The following TCF4 variants were observed in gnomAD, a reference collection of about 807,000 sequenced individuals.
TCF4 encodes the protein SL3-3 enhancer factor 2.
A neutral mutation model predicts 82.1 loss-of-function variants in TCF4; 3 were observed. That is an observed-to-expected ratio of 0.04 (90% CI 0.02 to 0.09). The LOEUF (loss-of-function observed/expected upper bound fraction) is 0.09, where lower values mean the gene tolerates loss of function less well. Among genes scored for constraint, TCF4 ranks in the 10% least tolerant of loss-of-function variants. The pLI is 1.00. For missense variants in TCF4, 518 were observed against 852.7 expected, an observed-to-expected ratio of 0.61 and a Z score of 4.89; for synonymous variants, 276 against 309.6, an observed-to-expected ratio of 0.89 and a Z score of 1.14.
intron 8 of TCF4, among the ~76,000 whole-genome samples, chr18:55,315,227 C>T (rs893946): frequency 0.4 from 60,845 of 151,780 alleles, 12,554 homozygotes; most frequent in East Asian, 0.57. Context: ...TTTAGCCCCC[C>T]TTTTTTAGGT....
chr18:55,395,939 C>G (rs1010512405), intron 6 of TCF4, among the ~76,000 whole-genome samples: 2 of 151,960 alleles, frequency 1.3e-5, no homozygotes. Context: ...TTTTTCCCCC[C>G]CTTAAGGCTG....
chr18:55,571,465 C>A (rs1030756453), intron 3 of TCF4, among the ~76,000 whole-genome samples: 1 of 152,132 alleles, frequency 6.6e-6, no homozygotes, highest in Non-Finnish European at 1.5e-5. Context: ...CACAGGCCGG[C>A]CAATGGATCT....
At chr18:55,585,238 C>A (rs1040117819) in intron 3 of TCF4, 42 bp downstream of exon 3, 15 of 1,563,192 alleles carry the variant, frequency 9.6e-6, no homozygotes, top group South Asian at 5.6e-5. Flanking sequence ...AAATAAACAG[C>A]CCAGAACATT....
At chr18:55,545,691 C>T (rs975494751) in intron 3 of TCF4, among the ~76,000 whole-genome samples, 5 of 152,202 alleles carry the variant, frequency 3.3e-5, no homozygotes, top group African/African-American at 1.2e-4. Context: ...CTCAGGTAAT[C>T]TGCCTGCCTC....
intron 1 of TCF4, among the ~76,000 whole-genome samples, chr18:55,632,082 A>G (rs1603625761): frequency 6.6e-6 from 1 of 152,280 alleles, no homozygotes; most frequent in East Asian, 1.9e-4. Context: ...TCTGTGGCCC[A>G]GGCTGGAGTG....
chr18:55,583,080 A>G (rs1047601318), intron 3 of TCF4, among the ~76,000 whole-genome samples: 2 of 152,140 alleles, frequency 1.3e-5, no homozygotes, highest in South Asian at 2.1e-4. Context: ...TCCAATCTGT[A>G]CCCTACATAT....
At chr18:55,370,370 C>A (rs752210438) in intron 6 of TCF4, among the ~76,000 whole-genome samples, 1 of 151,900 alleles carries the variant, frequency 6.6e-6, no homozygotes, top group Non-Finnish European at 1.5e-5. Context: ...TGCACCACTG[C>A]TCCAGCCTGG....
At chr18:55,264,178 C>A (rs2058628594) in intron 11 of TCF4, among the ~76,000 whole-genome samples, 1 of 152,104 alleles carries the variant, frequency 6.6e-6, no homozygotes, top group Non-Finnish European at 1.5e-5. Context: ...CTATCAGTGC[C>A]TGTTTTATGC....
chr18:55,279,499 C>T, intron 9 of TCF4, 52 bp downstream of exon 9: 3 of 1,612,306 alleles, frequency 1.9e-6, no homozygotes, highest in South Asian at 2.2e-5. Context: ...CATTAAGTGA[C>T]CCAGGAAAAT....
intron 6 of TCF4, among the ~76,000 whole-genome samples, chr18:55,356,298 A>T (rs752238837): frequency 8.5e-5 from 13 of 152,210 alleles, no homozygotes; most frequent in Non-Finnish European, 1.6e-4. Context: ...AAAAGTTAAA[A>T]ATGAGTTATA....
At chr18:55,403,239 C>G (rs2093923853) in intron 6 of TCF4, among the ~76,000 whole-genome samples, 1 of 152,110 alleles carries the variant, frequency 6.6e-6, no homozygotes, top group Non-Finnish European at 1.5e-5. Flanking sequence ...TAAAAACAAG[C>G]CCATGAATGT....
At chr18:55,325,771 G>A (rs534519979) in intron 8 of TCF4, among the ~76,000 whole-genome samples, 1 of 152,002 alleles carries the variant, frequency 6.6e-6, no homozygotes, top group South Asian at 2.1e-4. Flanking sequence ...GACCTCTTTT[G>A]CCTAGCATGG....
intron 8 of TCF4, among the ~76,000 whole-genome samples, chr18:55,327,315 A>G (rs1480875028): frequency 6.6e-6 from 1 of 152,110 alleles, no homozygotes; most frequent in Non-Finnish European, 1.5e-5. Context: ...AAGTCAGATA[A>G]AGCACAAATC....
At chr18:55,441,907 T>C (rs918338903) in intron 5 of TCF4, among the ~76,000 whole-genome samples, 6 of 152,154 alleles carry the variant, frequency 3.9e-5, no homozygotes, top group Non-Finnish European at 8.8e-5. Context: ...TTTAAATAAA[T>C]GGGAAGTCAA....
chr18:55,555,658 C>T (rs914939452), intron 3 of TCF4, among the ~76,000 whole-genome samples: 20 of 152,154 alleles, frequency 1.3e-4, no homozygotes, highest in African/African-American at 4.6e-4. Flanking sequence ...CCAATTCCTA[C>T]AACTGCCAGA....
chr18:55,487,374 CCAGGATG>C, intron 3 of TCF4, among the ~76,000 whole-genome samples: 1 of 152,232 alleles, frequency 6.6e-6, no homozygotes. Context: ...TTGATCCCCA[CCAGGATG>C]CAAGCTTCAG....
At chr18:55,341,272 G>A (rs879605261) in intron 8 of TCF4, among the ~76,000 whole-genome samples, 2 of 152,148 alleles carry the variant, frequency 1.3e-5, no homozygotes, top group African/African-American at 4.8e-5. Context: ...TGTGACCGCA[G>A]ACATGTTTCT....
At chr18:55,572,302 A>C (rs1165489950) in intron 3 of TCF4, among the ~76,000 whole-genome samples, 2 of 152,364 alleles carry the variant, frequency 1.3e-5, no homozygotes, top group South Asian at 4.1e-4. Context: ...CTGTTCTTCA[A>C]CTTCAACAGA....
chr18:55,318,744 G>T (rs1333950298), intron 8 of TCF4, among the ~76,000 whole-genome samples: 1 of 151,958 alleles, frequency 6.6e-6, no homozygotes. Flanking sequence ...ACTTAAGGTA[G>T]TAAAAAAATT....
Sources: gnomAD v4.1 joint callset for allele counts (sites outside exome capture counted in the v4.1 genomes callset) on GRCh38, gnomAD v4.1.1 for gene constraint, MANE v1.5 for transcripts, NCBI Gene and HGNC (gene_info 2026-07-23, HGNC 2026-07-21) for gene names.